Variants in NTM observed in about 807,000 individuals in gnomAD.
NTM encodes neurotrimin.
A neutral mutation model predicts 42.1 loss-of-function variants in NTM; 13 were observed. The observed-to-expected ratio is 0.31, with a 90% confidence interval of 0.20 to 0.49. The LOEUF is 0.49. Among genes scored for constraint, NTM ranks in the 20% least tolerant of loss-of-function variants. NTM has a pLI of 0.99. For missense variants in NTM, 373 were observed against 452.8 expected (o/e 0.82, Z 1.60); for synonymous variants, 187 against 179.2 (o/e 1.04, Z -0.35).
chr11:132,124,610 CGT>C (rs373072343), intron 2 of NTM, among the ~76,000 whole-genome samples: 60 of 152,134 alleles, frequency 3.9e-4, no homozygotes, highest in African/African-American at 9.6e-4. Flanking sequence ...TTTTTGTGTA[CGT>C]GTGTGTGTGT....
chr11:132,181,313 A>G (rs2077543601), intron 3 of NTM, among the ~76,000 whole-genome samples: 1 of 152,072 alleles, frequency 6.6e-6, no homozygotes, highest in African/African-American at 2.4e-5. Context: ...TTCCTAGGTG[A>G]TGCTACTCCA....
At chr11:131,373,965 G>A (rs1016415668) in intron 1 of NTM, among the ~76,000 whole-genome samples, 1 of 152,180 alleles carries the variant, frequency 6.6e-6, no homozygotes, top group African/African-American at 2.4e-5. Flanking sequence ...TGGGCAGGCC[G>A]GCCAGGTTCC....
chr11:132,288,533 A>G (rs1340115254), intron 4 of NTM, among the ~76,000 whole-genome samples: 4 of 152,264 alleles, frequency 2.6e-5, no homozygotes, highest in Non-Finnish European at 5.9e-5. Context: ...AACGGAATAC[A>G]CAATAGTTTC....
At chr11:131,831,655 G>T (rs563275524) in intron 1 of NTM, among the ~76,000 whole-genome samples, 5 of 152,118 alleles carry the variant, frequency 3.3e-5, no homozygotes, top group Non-Finnish European at 7.4e-5. Context: ...TAAAGCTTAC[G>T]TAGCAAATAG....
rs2069347547 is a variant in NTM at position 132,001,842 on chromosome 11, C to A, written c.167+90194C>A. 2.0e-5 allele frequency among the ~76,000 whole-genome samples: 3 copies of A among 151,822 alleles called. No individual in the cohort carries two copies. In the South Asian group the frequency reaches 6.2e-4, roughly 32 times the overall value. On this transcript the variant is annotated intron_variant, in intron 2 of 8. Transcript: ENST00000683400. ...ACAGTGTAAAATGAGATGACAAAAC[C>A]ATACTTGAGCAATTGCCAAATGATA...
chr11:131,939,319 A>T (rs2134188532), intron 2 of NTM, among the ~76,000 whole-genome samples: 1 of 152,312 alleles, frequency 6.6e-6, no homozygotes, highest in African/African-American at 2.4e-5. Flanking sequence ...TGCCACAACC[A>T]GGAGTTCTGG....
At chr11:131,681,444 T>TCTCC (rs1290222562) in intron 1 of NTM, among the ~76,000 whole-genome samples, 10 of 6,572 alleles carry the variant, frequency 1.5e-3, no homozygotes, top group East Asian at 6.3e-3. Context: ...TGTCTGTATG[T>TCTCC]CTGTGTGTGT....
At chr11:131,442,677 A>G (rs2135986175) in intron 1 of NTM, among the ~76,000 whole-genome samples, 1 of 152,186 alleles carries the variant, frequency 6.6e-6, no homozygotes, top group Non-Finnish European at 1.5e-5. Flanking sequence ...GCAGCATTTG[A>G]CTTTCTGTTT....
At chr11:132,044,789 A>C (rs2077748467) in intron 2 of NTM, among the ~76,000 whole-genome samples, 3 of 152,168 alleles carry the variant, frequency 2.0e-5, no homozygotes. Context: ...GACGAAATGG[A>C]TAAATTCCTG....
intron 1 of NTM, chr11:131,660,865 C>G: frequency 8.1e-7 from 1 of 1,234,662 alleles, no homozygotes; most frequent in African/African-American, 1.6e-5. Flanking sequence ...CGGAAGCTGG[C>G]CTTGATTTCA....
chr11:132,288,161 G>T (rs1367477308), intron 4 of NTM, among the ~76,000 whole-genome samples: 1 of 152,234 alleles, frequency 6.6e-6, no homozygotes. Context: ...GGAATAGCCT[G>T]GGCAGGATGC....
At chr11:131,974,692 G>A (rs1057134759) in intron 2 of NTM, among the ~76,000 whole-genome samples, 1 of 152,112 alleles carries the variant, frequency 6.6e-6, no homozygotes, top group Non-Finnish European at 1.5e-5. Flanking sequence ...TCACTAAAAT[G>A]CTCTTTGCCT....
At chr11:131,592,571 G>A (rs2059455844) in intron 1 of NTM, among the ~76,000 whole-genome samples, 1 of 147,306 alleles carries the variant, frequency 6.8e-6, no homozygotes, top group South Asian at 2.2e-4. Flanking sequence ...CAGTAGTGAT[G>A]AAAGCCAAAC....
intron 2 of NTM, among the ~76,000 whole-genome samples, chr11:131,958,760 C>T (rs781087562): frequency 1.3e-5 from 2 of 152,166 alleles, no homozygotes; most frequent in Non-Finnish European, 2.9e-5. Flanking sequence ...CATCACTTAC[C>T]TGTTTATGCT....
In NTM at chr11:131,473,478, C is replaced by T. The variant is rs188920538; in HGVS notation, c.82+102590C>T. ...TTCATAGGGGCTCAATTTTCCTCTG[C>T]TCCTGGCAATACCACACGTAAAGAT... On this transcript the variant is annotated intron_variant, in intron 1 of 8. Transcript: ENST00000683400. Among the ~76,000 whole-genome samples the T allele has an allele frequency of 4.6e-5, 7 of 152,260 alleles. No homozygotes were observed. The East Asian group carries it at 1.2e-3, about 25-fold the overall frequency.
At chr11:132,136,388 G>A (rs1160685536) in intron 2 of NTM, among the ~76,000 whole-genome samples, 2 of 152,216 alleles carry the variant, frequency 1.3e-5, no homozygotes, top group Admixed American at 6.5e-5. Context: ...GAACAGACAA[G>A]GCCCACCTCG....
intron 1 of NTM, among the ~76,000 whole-genome samples, chr11:131,435,822 T>C (rs1276800331): frequency 6.6e-6 from 1 of 152,224 alleles, no homozygotes; most frequent in Non-Finnish European, 1.5e-5. Context: ...TCCAGCACTA[T>C]GTTGAATAGG....
chr11:131,650,368 A>G (rs2066326341), intron 1 of NTM, among the ~76,000 whole-genome samples: 4 of 152,140 alleles, frequency 2.6e-5, no homozygotes, highest in African/African-American at 2.4e-5. Context: ...TGCTTCTCCT[A>G]CATTACTGAC....
At chr11:131,451,357 TA>T (rs1950473532) in intron 1 of NTM, among the ~76,000 whole-genome samples, 1 of 152,176 alleles carries the variant, frequency 6.6e-6, no homozygotes, top group Non-Finnish European at 1.5e-5. Flanking sequence ...TTAGTACAGA[TA>T]ATTAGAAAAG....
Sources: gnomAD v4.1 joint callset for allele counts (sites outside exome capture counted in the v4.1 genomes callset) on GRCh38, gnomAD v4.1.1 for gene constraint, MANE v1.5 for transcripts, NCBI Gene and HGNC (gene_info 2026-07-23, HGNC 2026-07-21) for gene names.